ZNF442: variants seen among roughly 807,000 people sequenced by gnomAD.
The protein encoded by ZNF442 is zinc finger protein 442.
In ZNF442, 45 loss-of-function variants were observed where a neutral mutation model predicts 57.0. That is an observed-to-expected ratio of 0.79 (90% CI 0.62 to 1.01). ZNF442 has a LOEUF of 1.01. Ranked by LOEUF, ZNF442 falls within the 50% of genes least tolerant of loss-of-function variation. The pLI is 0.00. For synonymous variants in ZNF442, 213 were observed against 241.8 expected (o/e 0.88, Z 1.10); for missense variants, 690 against 756.5 (o/e 0.91, Z 1.03).
At chr19:12,372,866 G>A in the ZNF442 span, among the ~76,000 whole-genome samples, 22 of 152,166 alleles carry the variant, frequency 1.4e-4, no homozygotes, top group African/African-American at 5.3e-4. Flanking sequence ...CTCTGCCTCT[G>A]GGGTTCAAGC....
chr19:12,358,799 C>A (rs1295903823), intron 3 of ZNF442, among the ~76,000 whole-genome samples: 2 of 152,160 alleles, frequency 1.3e-5, no homozygotes, highest in Non-Finnish European at 1.5e-5. Flanking sequence ...GGTATCCACC[C>A]CACATTAGTA....
chr19:12,350,082 T>C lies in ZNF442; in HGVS notation c.1503A>G (p.Thr501=), dbSNP rs772245894. 1.6e-5 allele frequency: 25 copies of C among 1,612,558 alleles called. No homozygotes were observed. The South Asian group carries it at 2.4e-4, about 16-fold the overall frequency. The part of the protein sequence containing the change: ...KECGKAFSCF[T]YLSQHRRTHM... ...GAGTCCTTCTATGTTGAGAAAGGTA[T>C]GTGAAACAACTGAATGCTTTCCCAC... The change falls in exon 6 of 6, where the codon ACA becomes ACG. Residue 501 remains threonine (T), a synonymous_variant. Coordinates refer to ENST00000242804, the MANE Select transcript of ZNF442 (RefSeq NM_030824.3).
upstream of ZNF442, among the ~76,000 whole-genome samples, chr19:12,369,116 A>C (rs1029897774): frequency 6.6e-6 from 1 of 152,140 alleles, no homozygotes; most frequent in African/African-American, 2.4e-5. Flanking sequence ...AATGGAACAA[A>C]AAAAAAAGGC....
intron 3 of ZNF442, among the ~76,000 whole-genome samples, chr19:12,356,210 G>T (rs1969325784): frequency 6.6e-6 from 1 of 152,006 alleles, no homozygotes; most frequent in African/African-American, 2.4e-5. Flanking sequence ...CACGGAGCAA[G>T]ATTCTATCTC....
intron 3 of ZNF442, among the ~76,000 whole-genome samples, chr19:12,357,351 T>G (rs970639473): frequency 4.6e-5 from 2 of 43,800 alleles, no homozygotes; most frequent in South Asian, 1.2e-3. Flanking sequence ...TTTTCTTTCT[T>G]TTTTTTTTTT....
chr19:12,366,199 A>G (rs557929012), upstream of ZNF442, among the ~76,000 whole-genome samples: 2 of 152,370 alleles, frequency 1.3e-5, no homozygotes, highest in African/African-American at 2.4e-5. Flanking sequence ...AAACACATCA[A>G]CAATGAAATA....
intron 3 of ZNF442, among the ~76,000 whole-genome samples, chr19:12,355,018 G>A (rs954135567): frequency 2.3e-4 from 35 of 152,022 alleles, no homozygotes; most frequent in African/African-American, 8.2e-4. Context: ...TAGGCCAGGA[G>A]CGGTGGCTCA....
At chr19:12,366,545 T>C (rs1048976242), upstream of ZNF442, among the ~76,000 whole-genome samples, 20 of 152,192 alleles carry the variant, frequency 1.3e-4, no homozygotes, top group African/African-American at 4.3e-4. Flanking sequence ...TTACCTCTCA[T>C]CTTAAAATAC....
At chr19:12,371,947 G>A in the ZNF442 span, among the ~76,000 whole-genome samples, 30 of 152,064 alleles carry the variant, frequency 2.0e-4, no homozygotes, top group Non-Finnish European at 3.5e-4. Flanking sequence ...TTGACAAGTG[G>A]GATCTAATTA....
At position 12,349,634 on chromosome 19, in the gene ZNF442, C is replaced by T; in HGVS notation, c.*67G>A. 1 of 1,479,038 alleles carries T rather than the reference C, an allele frequency of 6.8e-7. No individual in the cohort carries two copies. The highest frequency in any genetic ancestry group is 9.1e-7 in the Non-Finnish European group (1 of 1,096,166). 91.6% of individuals were successfully genotyped at this position (1,479,038 alleles called of 1,614,324 possible). ...TTACCATGTGTTTGCATTCATGAGG[C>T]TTATCTCCTATGTGATTTCTTTCAC... is the stretch of plus-strand genomic sequence containing the variant. On this transcript the variant is annotated 3_prime_UTR_variant, in exon 6 of 6. Transcript: ENST00000242804.
chr19:12,354,246 G>A (rs1969289160), intron 3 of ZNF442, among the ~76,000 whole-genome samples: 1 of 152,148 alleles, frequency 6.6e-6, no homozygotes, highest in East Asian at 1.9e-4. Context: ...TTAGAAGCCA[G>A]CAACAGGTTT....
chr19:12,373,007 C>T, the ZNF442 span, among the ~76,000 whole-genome samples: 13 of 152,102 alleles, frequency 8.5e-5, no homozygotes, highest in Non-Finnish European at 8.8e-5. Context: ...CTCCTGACAT[C>T]GTGATCTGCC....
chr19:12,359,618 C>G (rs905513322), intron 3 of ZNF442, among the ~76,000 whole-genome samples: 2 of 152,120 alleles, frequency 1.3e-5, no homozygotes, highest in African/African-American at 4.8e-5. Context: ...TGAGCCAGCA[C>G]AAAACCCCTC....
upstream of ZNF442, among the ~76,000 whole-genome samples, chr19:12,366,812 T>G (rs1343734182): frequency 6.6e-6 from 1 of 152,128 alleles, no homozygotes; most frequent in African/African-American, 2.4e-5. Flanking sequence ...TTTTTTGTAT[T>G]TTAGTAGAGA....
At chr19:12,367,615 C>CTATA (rs1969548807), upstream of ZNF442, among the ~76,000 whole-genome samples, 1 of 152,110 alleles carries the variant, frequency 6.6e-6, no homozygotes, top group South Asian at 2.1e-4. Context: ...GAGCAGCCAT[C>CTATA]TATAGACCTA....
Position 12,363,549 on chromosome 19 carries a change from C to T in ZNF442, c.78+5G>A, listed in dbSNP as rs1969475445. On this transcript the variant is annotated splice_donor_5th_base_variant and intron_variant, in intron 3 of 5. Transcript: ENST00000242804. Reference sequence around the variant, plus strand: ...ACTGGAATGAGTGGGTTCTCCAGTGCTTACATATTGTTTTCTCTCTTCATT... The same window carrying T: ...ACTGGAATGAGTGGGTTCTCCAGTGTTTACATATTGTTTTCTCTCTTCATT... 2 of 1,613,906 alleles carry T rather than the reference C, an allele frequency of 1.2e-6. No individual in the cohort carries two copies. The highest frequency in any genetic ancestry group is 2.2e-5 in the East Asian group (1 of 44,862).
chr19:12,352,227 A>C (rs1052900772), intron 4 of ZNF442, among the ~76,000 whole-genome samples, 157 bp from the exon 5 acceptor site: 4 of 152,006 alleles, frequency 2.6e-5, no homozygotes, highest in Non-Finnish European at 5.9e-5. Flanking sequence ...CACTTATTTT[A>C]TGTTTTTTAA....
At chr19:12,373,683 G>T in the ZNF442 span, 1 of 305,372 alleles carries the variant, frequency 3.3e-6, no homozygotes, top group South Asian at 3.5e-5. Context: ...TGTGCCGCCA[G>T]TGTTTCTGTA....
intron 3 of ZNF442, among the ~76,000 whole-genome samples, chr19:12,356,825 A>G (rs1969338720): frequency 6.7e-6 from 1 of 150,192 alleles, no homozygotes; most frequent in Non-Finnish European, 1.5e-5. Flanking sequence ...ACACACATAC[A>G]TGGTCTGAGA....
Sources: gnomAD v4.1 joint callset for allele counts (sites outside exome capture counted in the v4.1 genomes callset) on GRCh38, gnomAD v4.1.1 for gene constraint, MANE v1.5 for transcripts, NCBI Gene and HGNC (gene_info 2026-07-23, HGNC 2026-07-21) for gene names.